The following PRLR variants were observed in gnomAD, a reference collection of about 807,000 sequenced individuals.
The protein encoded by PRLR is hPRL receptor.
A neutral mutation model predicts 40.2 loss-of-function variants in PRLR; 13 were observed. The observed-to-expected ratio is 0.32, with a 90% CI of 0.21 to 0.51. PRLR has a LOEUF of 0.51. Ranked by LOEUF, PRLR falls within the 20% of genes least tolerant of loss-of-function variation. The pLI is 0.97. For missense variants in PRLR, 656 were observed against 747.3 expected, an observed-to-expected ratio of 0.88 and a Z score of 1.42; for synonymous variants, 269 against 278.7, an observed-to-expected ratio of 0.97 and a Z score of 0.35.
At chr5:35,075,614 G>A (rs1228058096) in intron 5 of PRLR, among the ~76,000 whole-genome samples, 1 of 152,228 alleles carries the variant, frequency 6.6e-6, no homozygotes, top group Non-Finnish European at 1.5e-5. Context: ...TCTGGGGCCA[G>A]AGAATAGCTG....
chr5:35,134,161 T>TC, intron 1 of PRLR, among the ~76,000 whole-genome samples: 1 of 151,894 alleles, frequency 6.6e-6, no homozygotes, highest in South Asian at 2.1e-4. Context: ...CACCATCTGT[T>TC]CCCCAAAAAC....
At chr5:35,143,650 T>C (rs925232353) in intron 1 of PRLR, among the ~76,000 whole-genome samples, 1 of 152,212 alleles carries the variant, frequency 6.6e-6, no homozygotes, top group Admixed American at 6.5e-5. Flanking sequence ...CTTATAACAA[T>C]GACTGATTGA....
intron 2 of PRLR, among the ~76,000 whole-genome samples, chr5:35,115,656 C>T (rs2111690228): frequency 1.3e-5 from 2 of 151,296 alleles, no homozygotes; most frequent in South Asian, 4.2e-4. Flanking sequence ...TTGGAATGGG[C>T]AGAGCCTGAA....
chr5:35,208,952 A>G (rs1776095776), intron 1 of PRLR, among the ~76,000 whole-genome samples: 2 of 152,188 alleles, frequency 1.3e-5, no homozygotes, highest in East Asian at 3.8e-4. Context: ...CAAAATCAGT[A>G]CATCCATATG....
rs557649311 is a variant in PRLR, at chr5:35,192,284, G to A, written c.-106+37984C>T. On this transcript the variant is annotated intron_variant, in intron 1 of 9. Transcript: ENST00000618457. The stretch of plus-strand genomic sequence containing the variant: ...AGGGCAGAGCTCTATGCTCTGTCAT[G>A]AGCATCTGTTCTTTAATGTCCCTGG... Among the ~76,000 whole-genome samples the A allele has an allele frequency of 2.6e-5, 4 of 152,308 alleles. No individual in the cohort carries two copies. In the South Asian group the frequency reaches 8.3e-4, roughly 32 times the overall value.
At chr5:35,218,019 T>A (rs1402221558) in intron 1 of PRLR, among the ~76,000 whole-genome samples, 1 of 152,192 alleles carries the variant, frequency 6.6e-6, no homozygotes, top group Non-Finnish European at 1.5e-5. Flanking sequence ...ACATTATTGG[T>A]TTGAAGATAA....
chr5:35,057,736 T>C lies in PRLR; in HGVS notation c.*7353A>G, dbSNP rs1276324548. The C allele has an allele frequency of 6.6e-6, 1 of 152,126 alleles. No homozygotes were observed. Among genetic ancestry groups the C allele is most frequent in the Admixed American group, 6.6e-5 (1 of 15,250 alleles). The allele number at this position is 152,126 out of a possible 1,614,324, so 9.4% of individuals were successfully genotyped here. A position where few individuals can be genotyped will look rare whatever the true frequency, so the allele number is the denominator to read the frequency against. On this transcript the variant is annotated 3_prime_UTR_variant, in exon 10 of 10. Transcript: ENST00000618457. ...AAAATAACAAATCAGATAACTATAG[T>C]CTTCTATAAATCTTTAAGTCTAAAA...
intron 5 of PRLR, among the ~76,000 whole-genome samples, chr5:35,083,633 C>T (rs1394648571): frequency 6.6e-6 from 1 of 151,540 alleles, no homozygotes. Context: ...AATTCTCTTG[C>T]CTCAGCCTCC....
intron 5 of PRLR, among the ~76,000 whole-genome samples, chr5:35,083,925 A>G (rs1372793218): frequency 6.6e-6 from 1 of 152,064 alleles, no homozygotes; most frequent in Non-Finnish European, 1.5e-5. Flanking sequence ...ATGTTTAGTA[A>G]AAAAAATTAC....
At chr5:35,104,643 C>T (rs1017041969) in intron 2 of PRLR, among the ~76,000 whole-genome samples, 5 of 152,216 alleles carry the variant, frequency 3.3e-5, no homozygotes, top group African/African-American at 9.6e-5. Context: ...AGTCTGAGAT[C>T]GAACTGCAAG....
intron 1 of PRLR, among the ~76,000 whole-genome samples, chr5:35,183,649 G>GT (rs1206091414): frequency 1.3e-5 from 2 of 152,166 alleles, no homozygotes; most frequent in East Asian, 1.9e-4. Flanking sequence ...TAGGCTCCAG[G>GT]TTTTTTTCCC....
Position 35,104,206 on chromosome 5 carries a change from G to C in PRLR, c.-44+13855C>G, listed in dbSNP as rs562072850. On this transcript the variant is annotated intron_variant, in intron 2 of 9. Transcript: ENST00000618457. Reference sequence around the variant, plus strand: ...CTCTCACCCTCCGTCCACATGTAGGGCACACTGAACTGTATGTCACTTGAG... The same window carrying C: ...CTCTCACCCTCCGTCCACATGTAGGCCACACTGAACTGTATGTCACTTGAG... 9.2e-5 allele frequency among the ~76,000 whole-genome samples: 14 copies of C among 152,294 alleles called. No homozygotes were observed. In the South Asian group the frequency reaches 2.9e-3, roughly 32 times the overall value.
intron 1 of PRLR, among the ~76,000 whole-genome samples, chr5:35,162,400 C>G (rs548084868): frequency 1.3e-3 from 191 of 152,280 alleles, no homozygotes; most frequent in African/African-American, 4.4e-3. Flanking sequence ...GCTTCTTGGC[C>G]TCTAGGGTGT....
At chr5:35,096,384 T>C (rs988687228) in intron 2 of PRLR, among the ~76,000 whole-genome samples, 2 of 152,050 alleles carry the variant, frequency 1.3e-5, no homozygotes, top group African/African-American at 4.8e-5. Context: ...ATTGGATGAG[T>C]TTCAATTTCC....
intron 1 of PRLR, among the ~76,000 whole-genome samples, chr5:35,183,969 A>G (rs1261830435): frequency 6.6e-6 from 1 of 152,228 alleles, no homozygotes; most frequent in Non-Finnish European, 1.5e-5. Context: ...TTATTTGTAT[A>G]GAAGTAACTC....
rs372175436 is a variant in PRLR, at chr5:35,163,224, T to C, written c.-105-45102A>G. Among the ~76,000 whole-genome samples, 7 of 152,296 alleles carry C rather than the reference T, an allele frequency of 4.6e-5. 1 individual carries two copies. Among genetic ancestry groups the C allele is most frequent in the African/African-American group, 1.7e-4 (7 of 41,566 alleles). ...TTTCCCCATTTTTGCCCAATAAATTTCATTTTTCTCCCCCTCGAAATCGTC... is the reference window on the plus strand; with the variant it reads ...TTTCCCCATTTTTGCCCAATAAATTCCATTTTTCTCCCCCTCGAAATCGTC... On this transcript the variant is annotated intron_variant, in intron 1 of 9. Transcript: ENST00000618457.
At chr5:35,216,540 ACTCTGT>A (rs1776293410) in intron 1 of PRLR, among the ~76,000 whole-genome samples, 1 of 152,054 alleles carries the variant, frequency 6.6e-6, no homozygotes, top group Admixed American at 6.6e-5. Flanking sequence ...CTAGCATACC[ACTCTGT>A]GTGATCCTCT....
intron 1 of PRLR, among the ~76,000 whole-genome samples, chr5:35,226,470 A>G (rs1776551021): frequency 6.6e-6 from 1 of 152,266 alleles, no homozygotes; most frequent in African/African-American, 2.4e-5. Context: ...CACAGCTTAG[A>G]ATAGTACAGT....
intron 1 of PRLR, among the ~76,000 whole-genome samples, chr5:35,225,605 T>C (rs765886354): frequency 2.0e-4 from 30 of 152,272 alleles, no homozygotes; most frequent in Non-Finnish European, 8.8e-5. Flanking sequence ...AATTTTAATA[T>C]ATTTTATTTA....
Sources: gnomAD v4.1 joint callset for allele counts (sites outside exome capture counted in the v4.1 genomes callset) on GRCh38, gnomAD v4.1.1 for gene constraint, MANE v1.5 for transcripts, NCBI Gene and HGNC (gene_info 2026-07-23, HGNC 2026-07-21) for gene names.